KCNAB1: variants seen among roughly 807,000 people sequenced by gnomAD.
KCNAB1 encodes the protein voltage-gated potassium channel subunit beta-1.
KCNAB1 carries 35 observed loss-of-function variants against 64.6 expected under a neutral mutation model. That is an observed-to-expected ratio of 0.54 (90% CI 0.41 to 0.72). The LOEUF is 0.72. KCNAB1 is among the 30% of genes least tolerant of loss of function. KCNAB1 has a pLI of 0.00. For missense variants in KCNAB1, 401 were observed against 512.9 expected, an observed-to-expected ratio of 0.78 and a Z score of 2.11; for synonymous variants, 177 against 183.8, an observed-to-expected ratio of 0.96 and a Z score of 0.30.
intron 7 of KCNAB1, among the ~76,000 whole-genome samples, chr3:156,470,088 C>A (rs534093725): frequency 3.2e-4 from 49 of 152,256 alleles, no homozygotes; most frequent in African/African-American, 1.2e-3. Flanking sequence ...ACAGAGTATA[C>A]AATGAGCTTG....
intron 1 of KCNAB1, among the ~76,000 whole-genome samples, chr3:156,232,763 C>T (rs1716609677): frequency 6.6e-6 from 1 of 152,140 alleles, no homozygotes; most frequent in African/African-American, 2.4e-5. Context: ...GTTTTATAAA[C>T]TATTTGGAAA....
intron 1 of KCNAB1, among the ~76,000 whole-genome samples, chr3:156,178,873 A>T (rs1417064033): frequency 1.3e-5 from 2 of 151,690 alleles, no homozygotes; most frequent in Non-Finnish European, 2.9e-5. Context: ...TGTTGGCGGG[A>T]GCCTGTAGTC....
At chr3:156,218,386 T>G (rs914972666) in intron 1 of KCNAB1, among the ~76,000 whole-genome samples, 1 of 152,164 alleles carries the variant, frequency 6.6e-6, no homozygotes, top group Non-Finnish European at 1.5e-5. Flanking sequence ...TCCCAGCCCC[T>G]AACTGGTGGT....
chr3:156,435,037 T>A (rs1302870362), intron 2 of KCNAB1, among the ~76,000 whole-genome samples: 2 of 152,172 alleles, frequency 1.3e-5, no homozygotes, highest in South Asian at 4.1e-4. Context: ...CTAGTGTGGG[T>A]AACTGAAGCT....
chr3:156,192,934 T>C (rs972370172), intron 1 of KCNAB1, among the ~76,000 whole-genome samples: 2 of 152,122 alleles, frequency 1.3e-5, no homozygotes, highest in Non-Finnish European at 2.9e-5. Context: ...TTTTATCCAA[T>C]TTGACAATCT....
intron 1 of KCNAB1, among the ~76,000 whole-genome samples, chr3:156,129,671 A>G (rs1429408529): frequency 6.6e-6 from 1 of 152,228 alleles, no homozygotes; most frequent in Admixed American, 6.5e-5. Context: ...GTTTTAGCAC[A>G]ATGCTGAGTG....
chr3:156,498,897 C>A (rs1287428991), intron 8 of KCNAB1, among the ~76,000 whole-genome samples: 4 of 152,204 alleles, frequency 2.6e-5, no homozygotes, highest in African/African-American at 9.6e-5. Flanking sequence ...ATAAGCATGG[C>A]TTTTCCAGTA....
intron 1 of KCNAB1, among the ~76,000 whole-genome samples, chr3:156,121,570 T>G (rs1370324617): frequency 6.6e-6 from 1 of 152,216 alleles, no homozygotes; most frequent in Non-Finnish European, 1.5e-5. Flanking sequence ...CAAAACGTAC[T>G]GAGTAAAAAG....
chr3:156,279,876 C>T (rs1167016718), intron 1 of KCNAB1, among the ~76,000 whole-genome samples: 4 of 149,400 alleles, frequency 2.7e-5, no homozygotes, highest in Admixed American at 1.3e-4. Context: ...AGCCCTTTGT[C>T]AGATGAGTAG....
Position 156,366,042 on chromosome 3 carries a change from TGAAA to T in KCNAB1, c.276-55568_276-55565del, listed in dbSNP as rs1029599524. ...CTTGGCCCTTACACATAAAAATTAA[TGAAA>T]GAAAGTAGAAGTTTTGGCCCTCAAA... On this transcript the variant is annotated intron_variant, in intron 1 of 13. Transcript: ENST00000490337. Among the ~76,000 whole-genome samples, 1,183 of 152,206 alleles carry T rather than the reference TGAAA, an allele frequency of 7.8e-3. 19 individuals carry two copies. The highest frequency in any genetic ancestry group is 0.027 in the African/African-American group (1,125 of 41,530).
intron 1 of KCNAB1, among the ~76,000 whole-genome samples, chr3:156,227,440 G>T (rs1015326159): frequency 8.5e-5 from 13 of 152,082 alleles, no homozygotes; most frequent in African/African-American, 3.1e-4. Context: ...AGCTAAAAAA[G>T]ACTTTCTCTC....
intron 1 of KCNAB1, among the ~76,000 whole-genome samples, chr3:156,300,039 A>T (rs540938879): frequency 3.3e-5 from 5 of 152,290 alleles, no homozygotes; most frequent in African/African-American, 7.2e-5. Context: ...AAAGATTAAA[A>T]AACAAGAAAC....
intron 1 of KCNAB1, among the ~76,000 whole-genome samples, chr3:156,331,739 A>G (rs1399845015): frequency 6.6e-6 from 1 of 152,106 alleles, no homozygotes; most frequent in East Asian, 1.9e-4. Flanking sequence ...TAGCAGTCTT[A>G]TGTCTATTTC....
intron 2 of KCNAB1, among the ~76,000 whole-genome samples, chr3:156,451,098 G>T (rs1711970240): frequency 6.6e-6 from 1 of 152,128 alleles, no homozygotes; most frequent in African/African-American, 2.4e-5. Flanking sequence ...TACCTGGTGA[G>T]GACATCAGCT....
chr3:156,228,801 C>A (rs533951097), intron 1 of KCNAB1, among the ~76,000 whole-genome samples: 2 of 152,328 alleles, frequency 1.3e-5, no homozygotes, highest in African/African-American at 4.8e-5. Context: ...CTCTTCTGAC[C>A]ACCCTATTTC....
chr3:156,304,406 T>C (rs1158328710), intron 1 of KCNAB1, among the ~76,000 whole-genome samples: 1 of 152,232 alleles, frequency 6.6e-6, no homozygotes, highest in Non-Finnish European at 1.5e-5. Context: ...TTACCGCAAC[T>C]GAGGCACAAC....
intron 1 of KCNAB1, among the ~76,000 whole-genome samples, chr3:156,222,800 T>C (rs928163005): frequency 6.6e-6 from 1 of 152,176 alleles, no homozygotes; most frequent in African/African-American, 2.4e-5. Context: ...TGCAAATATA[T>C]GGAAATTAAA....
chr3:156,376,022 G>A (rs991314656), intron 1 of KCNAB1, among the ~76,000 whole-genome samples: 1 of 152,216 alleles, frequency 6.6e-6, no homozygotes, highest in Admixed American at 6.5e-5. Flanking sequence ...GTTTCACCAT[G>A]TTGGCCAGGC....
intron 1 of KCNAB1, among the ~76,000 whole-genome samples, chr3:156,405,318 C>G (rs1714176411): frequency 6.6e-6 from 1 of 152,222 alleles, no homozygotes; most frequent in Non-Finnish European, 1.5e-5. Flanking sequence ...CTCCAGTCTT[C>G]CTGATTGTTA....
Sources: allele counts gnomAD v4.1 joint callset (sites outside exome capture counted in the v4.1 genomes callset), GRCh38; gene constraint gnomAD v4.1.1; transcripts MANE v1.5; gene names NCBI Gene and HGNC (gene_info 2026-07-23, HGNC 2026-07-21).